Variants in CNTN5 observed in about 807,000 individuals in gnomAD.
CNTN5 encodes the protein contactin-5.
Under a neutral mutation model 129.1 loss-of-function variants are expected in CNTN5, and 77 were observed. The ratio of observed to expected loss-of-function variants is 0.60; its 90% CI spans 0.50 to 0.72. CNTN5 has a LOEUF of 0.72. Among genes scored for constraint, CNTN5 ranks in the 30% least tolerant of loss-of-function variants. The pLI, the probability that CNTN5 is intolerant of heterozygous loss-of-function variation, is 0.00. For synonymous variants in CNTN5, 509 were observed against 465.6 expected (o/e 1.09, Z -1.20); for missense variants, 1,478 against 1,328.8 (o/e 1.11, Z -1.75).
At position 99,793,594 on chromosome 11, in the gene CNTN5, G is replaced by A. The variant is rs1258816605; in HGVS notation, c.56-25950G>A. On this transcript the variant is annotated intron_variant, in intron 3 of 24. Coordinates refer to ENST00000524871, the MANE Select transcript of CNTN5 (RefSeq NM_014361.4). ...CTTCCCTCTTAACACTGCTTTGTATGTGTCCCAGAGATTATTGTATGCTAT... is the reference window on the plus strand; with the variant it reads ...CTTCCCTCTTAACACTGCTTTGTATATGTCCCAGAGATTATTGTATGCTAT... Among the ~76,000 whole-genome samples the A allele has an allele frequency of 3.3e-5, 5 of 152,110 alleles. No individual in the cohort carries two copies. The East Asian group carries it at 9.6e-4, about 29-fold the overall frequency.
intron 13 of CNTN5, among the ~76,000 whole-genome samples, chr11:100,160,551 G>A (rs948978933): frequency 3.2e-4 from 49 of 151,880 alleles, no homozygotes; most frequent in Non-Finnish European, 6.2e-4. Context: ...GAGAGTGAAA[G>A]AGTGAGAAAC....
chr11:99,814,377 G>C (rs895763019), intron 3 of CNTN5, among the ~76,000 whole-genome samples: 1 of 152,124 alleles, frequency 6.6e-6, no homozygotes, highest in East Asian at 1.9e-4. Context: ...TGAGGAGAGA[G>C]GCTAAGATGT....
intron 1 of CNTN5, among the ~76,000 whole-genome samples, chr11:99,312,758 C>CA (rs1183493545): frequency 3.3e-5 from 5 of 150,660 alleles, no homozygotes; most frequent in Admixed American, 6.6e-5. Context: ...TATTATATTC[C>CA]AAAAAATCCT....
chr11:99,668,934 T>C (rs1009382299), intron 3 of CNTN5, among the ~76,000 whole-genome samples: 1 of 152,168 alleles, frequency 6.6e-6, no homozygotes, highest in African/African-American at 2.4e-5. Context: ...CATGGCTCAA[T>C]ATCAACTTTA....
At chr11:100,335,828 A>G (rs1952027478) in intron 21 of CNTN5, among the ~76,000 whole-genome samples, 1 of 152,128 alleles carries the variant, frequency 6.6e-6, no homozygotes, top group South Asian at 2.1e-4. Flanking sequence ...CAGGTATTAT[A>G]TGAGTCAGAA....
At chr11:100,103,902 T>C (rs545314483) in intron 13 of CNTN5, among the ~76,000 whole-genome samples, 1 of 152,306 alleles carries the variant, frequency 6.6e-6, no homozygotes, top group African/African-American at 2.4e-5. Context: ...CAGAGATTTT[T>C]GACTTACAGC....
intron 1 of CNTN5, among the ~76,000 whole-genome samples, chr11:99,192,769 C>T (rs1384641919): frequency 6.6e-6 from 1 of 151,956 alleles, no homozygotes; most frequent in Non-Finnish European, 1.5e-5. Flanking sequence ...GTTGTATGAA[C>T]ACTGAAAACA....
chr11:100,040,831 C>T (rs1021302001), intron 9 of CNTN5, among the ~76,000 whole-genome samples: 1 of 152,136 alleles, frequency 6.6e-6, no homozygotes, highest in Non-Finnish European at 1.5e-5. Flanking sequence ...TGGAAAAGCG[C>T]AGTTTTAGGG....
chr11:100,000,200 C>T (rs998505985), intron 8 of CNTN5, among the ~76,000 whole-genome samples: 1 of 151,790 alleles, frequency 6.6e-6, no homozygotes, highest in Non-Finnish European at 1.5e-5. Context: ...AGTCCAAGTC[C>T]AAAGTCTCAT....
intron 1 of CNTN5, among the ~76,000 whole-genome samples, chr11:99,274,465 G>A (rs541740539): frequency 3.1e-4 from 47 of 151,598 alleles, no homozygotes; most frequent in Non-Finnish European, 4.0e-4. Flanking sequence ...ACAAACCTCA[G>A]GCTGATATCA....
At chr11:99,060,055 C>T (rs10790435) in intron 1 of CNTN5, among the ~76,000 whole-genome samples, 70,701 of 151,708 alleles carry the variant, frequency 0.47, 16,821 homozygotes, top group African/African-American at 0.49. Context: ...TTTAACATGA[C>T]AACATAGCCT....
chr11:99,346,445 T>C (rs2136069995), intron 2 of CNTN5, among the ~76,000 whole-genome samples: 1 of 152,324 alleles, frequency 6.6e-6, no homozygotes, highest in African/African-American at 2.4e-5. Flanking sequence ...TGGTGGCCCT[T>C]GTGACAGGGA....
At chr11:100,303,371 T>A (rs369345315) in intron 20 of CNTN5, among the ~76,000 whole-genome samples, 1 of 151,516 alleles carries the variant, frequency 6.6e-6, no homozygotes, top group Non-Finnish European at 1.5e-5. Context: ...TTTTCCAAGA[T>A]AAAAAATTAA....
intron 15 of CNTN5, among the ~76,000 whole-genome samples, chr11:100,198,493 C>T (rs187165262): frequency 2.6e-5 from 4 of 151,972 alleles, no homozygotes; most frequent in Admixed American, 2.6e-4. Flanking sequence ...GGAAAACATG[C>T]TACCTGACCT....
At chr11:99,464,383 C>T (rs1944853564) in intron 2 of CNTN5, among the ~76,000 whole-genome samples, 1 of 152,112 alleles carries the variant, frequency 6.6e-6, no homozygotes, top group African/African-American at 2.4e-5. Flanking sequence ...CATTTTAAAT[C>T]ATGAATCCAG....
At chr11:99,254,244 T>C (rs1165710992) in intron 1 of CNTN5, among the ~76,000 whole-genome samples, 3 of 151,812 alleles carry the variant, frequency 2.0e-5, no homozygotes, top group Non-Finnish European at 4.4e-5. Flanking sequence ...GGATAAAGTA[T>C]TCTAGGGAAG....
intron 13 of CNTN5, among the ~76,000 whole-genome samples, chr11:100,156,658 T>TGATTATTGCCAC (rs1947253582): frequency 6.6e-6 from 1 of 151,618 alleles, no homozygotes; most frequent in African/African-American, 2.4e-5. Flanking sequence ...GGTAGGCTAT[T>TGATTATTGCCAC]AATTTCAGAA....
At chr11:99,121,910 T>C (rs531413908) in intron 1 of CNTN5, among the ~76,000 whole-genome samples, 102 of 151,758 alleles carry the variant, frequency 6.7e-4, no homozygotes, top group Admixed American at 1.2e-3. Context: ...TTTCTTTTTT[T>C]CCTAGATGAC....
intron 1 of CNTN5, among the ~76,000 whole-genome samples, chr11:99,087,343 A>C (rs1207428051): frequency 6.6e-6 from 1 of 152,152 alleles, no homozygotes; most frequent in Non-Finnish European, 1.5e-5. Context: ...ATCTGGTATA[A>C]ATTTAAAGAG....
Sources: gnomAD v4.1 joint callset for allele counts (sites outside exome capture counted in the v4.1 genomes callset) on GRCh38, gnomAD v4.1.1 for gene constraint, MANE v1.5 for transcripts, NCBI Gene and HGNC (gene_info 2026-07-23, HGNC 2026-07-21) for gene names.